The following TVP23A variants were observed in gnomAD, a reference collection of about 807,000 sequenced individuals.
TVP23A encodes the protein trans-golgi network vesicle protein 23 homolog A, also known as Golgi apparatus membrane protein TVP23 homolog A.
A neutral mutation model predicts 31.7 loss-of-function variants in TVP23A; 21 were observed. The ratio of observed to expected loss-of-function variants is 0.66; its 90% CI spans 0.47 to 0.95. The LOEUF (loss-of-function observed/expected upper bound fraction) is 0.95. Among genes scored for constraint, TVP23A ranks in the 40% least tolerant of loss-of-function variants. TVP23A has a pLI of 0.00. For synonymous variants in TVP23A, 104 were observed against 96.0 expected (o/e 1.08, Z -0.49); for missense variants, 279 against 255.6 (o/e 1.09, Z -0.62).
At chr16:10,771,239 A>G (rs2031592739) in intron 6 of TVP23A, among the ~76,000 whole-genome samples, 1 of 152,198 alleles carries the variant, frequency 6.6e-6, no homozygotes, top group South Asian at 2.1e-4. Context: ...TAAATCTTAC[A>G]ATTAAAAAAC....
intron 2 of TVP23A, chr16:10,775,406 A>C (rs527516942): frequency 8.7e-7 from 1 of 1,150,394 alleles, no homozygotes; most frequent in Admixed American, 4.4e-5. Context: ...ACGTGACAGC[A>C]GTCACTGCCT....
At chr16:10,795,653 A>G (rs1300143524) in intron 2 of TVP23A, among the ~76,000 whole-genome samples, 2 of 152,304 alleles carry the variant, frequency 1.3e-5, no homozygotes, top group South Asian at 4.1e-4. Context: ...AGTTTCAAGC[A>G]TGCATTATGC....
intron 2 of TVP23A, among the ~76,000 whole-genome samples, chr16:10,811,495 C>T (rs2034196597): frequency 6.6e-6 from 1 of 152,050 alleles, no homozygotes; most frequent in Non-Finnish European, 1.5e-5. Flanking sequence ...GTCTCAAACT[C>T]CTGGCCTCAA....
intron 2 of TVP23A, among the ~76,000 whole-genome samples, chr16:10,778,459 C>T (rs1406590761): frequency 6.6e-6 from 1 of 152,128 alleles, no homozygotes; most frequent in African/African-American, 2.4e-5. Context: ...AAATTTTGTC[C>T]CTTGCCCCTG....
chr16:10,768,989 G>C lies in TVP23A; in HGVS notation c.*113C>G. The C allele has an allele frequency of 6.7e-7, 1 of 1,485,906 alleles. No homozygotes were observed. Among genetic ancestry groups the C allele is most frequent in the Middle Eastern group, 1.7e-4 (1 of 5,808 alleles). 92.0% of individuals were successfully genotyped at this position (1,485,906 alleles called of 1,614,324 possible). On this transcript the variant is annotated 3_prime_UTR_variant, in exon 8 of 8. Transcript: ENST00000299866. The surrounding 1 kb of genome is among the most constrained non-coding windows in gnomAD (Gnocchi z 4.3). ...ACACAGCCCTCCCCAGCACAGGACA[G>C]GGCTGTCAAGGGGTAGACAAGCCAT...
chr16:10,770,156 T>A (rs1229972157), intron 7 of TVP23A, 116 bp downstream of exon 7: 1 of 1,315,844 alleles, frequency 7.6e-7, no homozygotes, highest in Non-Finnish European at 1.0e-6. Context: ...GTCACATGCC[T>A]GGCCACCCCA....
At chr16:10,774,875 A>C in intron 3 of TVP23A, 77 bp downstream of exon 3, 1 of 1,357,600 alleles carries the variant, frequency 7.4e-7, no homozygotes, top group Non-Finnish European at 1.0e-6. Flanking sequence ...TCTAAACCAA[A>C]GTACCTCTTG....
intron 2 of TVP23A, among the ~76,000 whole-genome samples, chr16:10,781,240 G>A (rs1341410311): frequency 6.6e-6 from 1 of 151,628 alleles, no homozygotes; most frequent in Non-Finnish European, 1.5e-5. Flanking sequence ...GAGACAGGAG[G>A]ATCGCTTGAA....
intron 4 of TVP23A, among the ~76,000 whole-genome samples, chr16:10,773,656 C>T (rs769712249): frequency 6.6e-6 from 1 of 152,246 alleles, no homozygotes; most frequent in South Asian, 2.1e-4. Flanking sequence ...CTGGAACCTC[C>T]GCCTCCTGGG....
At chr16:10,775,606 A>G in intron 2 of TVP23A, 1 of 932,010 alleles carries the variant, frequency 1.1e-6, no homozygotes, top group Non-Finnish European at 1.3e-6. Flanking sequence ...ATACTTGCTC[A>G]GTGGTGAATG....
chr16:10,774,155 A>G, intron 3 of TVP23A, 27 bp from the exon 4 acceptor site: 1 of 1,560,520 alleles, frequency 6.4e-7, no homozygotes, highest in Non-Finnish European at 8.8e-7. Context: ...AAGGACTCTG[A>G]GCAGGTCACA....
In TVP23A at chr16:10,768,941, C is replaced by T; in HGVS notation, c.*161G>A. ...ACACAGGTCTTTTTATGGAACTAGCCAGAGGATTCCACCCCTGTCAAAACA... is the reference window on the plus strand; with the variant it reads ...ACACAGGTCTTTTTATGGAACTAGCTAGAGGATTCCACCCCTGTCAAAACA... On this transcript the variant is annotated 3_prime_UTR_variant, in exon 8 of 8. Transcript: ENST00000299866. The surrounding 1 kb of genome is among the most constrained non-coding windows in gnomAD (Gnocchi z 4.3). 1.0e-6 allele frequency: 1 copy of T among 966,374 alleles called. No homozygotes were observed. Among genetic ancestry groups the T allele is most frequent in the South Asian group, 1.4e-5 (1 of 70,618 alleles). 59.9% of individuals were successfully genotyped at this position (966,374 alleles called of 1,614,324 possible).
At chr16:10,774,419 C>A (rs975343137) in intron 3 of TVP23A, among the ~76,000 whole-genome samples, 41 of 151,978 alleles carry the variant, frequency 2.7e-4, no homozygotes, top group African/African-American at 9.7e-4. Flanking sequence ...TTGGCTGTCT[C>A]CCCACCCAAA....
downstream of TVP23A, among the ~76,000 whole-genome samples, chr16:10,764,052 AGGAGCATCTCAGCCCACT>A (rs1355857188): frequency 2.0e-3 from 302 of 151,812 alleles, 2 homozygotes; most frequent in African/African-American, 6.9e-3. Flanking sequence ...CCCAGCCCAA[AGGAGCATCTCAGCCCACT>A]GGAGCATCCC....
At chr16:10,782,876 G>A (rs2032508559) in intron 2 of TVP23A, among the ~76,000 whole-genome samples, 1 of 152,128 alleles carries the variant, frequency 6.6e-6, no homozygotes, top group Non-Finnish European at 1.5e-5. Context: ...AATACCCAGA[G>A]AGTGTGCCAA....
At chr16:10,770,365 C>G in intron 6 of TVP23A, 34 bp from the exon 7 acceptor site, 1 of 1,547,884 alleles carries the variant, frequency 6.5e-7, no homozygotes, top group African/African-American at 1.4e-5. Context: ...GGTTTTCTGT[C>G]CTTACACGCG....
At chr16:10,792,998 G>C (rs1302037682) in intron 2 of TVP23A, among the ~76,000 whole-genome samples, 1 of 152,158 alleles carries the variant, frequency 6.6e-6, no homozygotes, top group Non-Finnish European at 1.5e-5. Context: ...TTTTTAAAGA[G>C]ACATACCCAG....
At chr16:10,809,836 C>A (rs910378618) in intron 2 of TVP23A, among the ~76,000 whole-genome samples, 2 of 152,138 alleles carry the variant, frequency 1.3e-5, no homozygotes, top group African/African-American at 4.8e-5. Flanking sequence ...CAACACAGCA[C>A]GGCTAAAACA....
Position 10,768,183 on chromosome 16 carries a change from A to G in TVP23A, c.*919T>C. On this transcript the variant is annotated 3_prime_UTR_variant, in exon 8 of 8. Coordinates refer to ENST00000299866, the MANE Select transcript of TVP23A (RefSeq NM_001079512.4). This position sits in a 1 kb window ranked among gnomAD's most constrained non-coding sequence, Gnocchi z 4.3. The stretch of plus-strand genomic sequence containing the variant: ...CGAGGAAGCCAGGAGTCCATGAGAA[A>G]TCTCTCAATGTGTGAGTATTGTGAA... The G allele has an allele frequency of 1.6e-6, 1 of 611,926 alleles. No homozygotes were observed. Among genetic ancestry groups the G allele is most frequent in the South Asian group, 2.1e-5 (1 of 48,084 alleles). The allele number at this position is 611,926 out of a possible 1,614,324, so 37.9% of individuals were successfully genotyped here. A position where few individuals can be genotyped will look rare whatever the true frequency, so the allele number is the denominator to read the frequency against.
Sources: gnomAD v4.1 joint callset for allele counts (sites outside exome capture counted in the v4.1 genomes callset) on GRCh38, gnomAD v4.1.1 for gene constraint, Gnocchi (gnomAD v3.1) non-coding constraint, MANE v1.5 for transcripts, NCBI Gene and HGNC (gene_info 2026-07-23, HGNC 2026-07-21) for gene names.